Variants in PAK5 observed in about 807,000 individuals in gnomAD.
The protein encoded by PAK5 is p21 (RAC1) activated kinase 5.
In PAK5, 16 loss-of-function variants were observed where a neutral mutation model predicts 65.9. The observed-to-expected ratio is 0.24, with a 90% CI of 0.16 to 0.37. The LOEUF (loss-of-function observed/expected upper bound fraction) is 0.37. Among genes scored for constraint, PAK5 ranks in the 10% least tolerant of loss-of-function variants. The pLI, the probability that PAK5 is intolerant of heterozygous loss-of-function variation, is 1.00. For synonymous variants in PAK5, 371 were observed against 354.9 expected (o/e 1.05, Z -0.51); for missense variants, 785 against 903.9 (o/e 0.87, Z 1.69).
chr20:9,785,919 C>A (rs537220752), intron 1 of PAK5, among the ~76,000 whole-genome samples: 6 of 152,082 alleles, frequency 3.9e-5, no homozygotes, highest in Non-Finnish European at 7.4e-5. Context: ...GACTGACCCA[C>A]ATATCCTTGA....
chr20:9,559,720 G>C (rs903250455), intron 6 of PAK5, among the ~76,000 whole-genome samples: 2 of 151,930 alleles, frequency 1.3e-5, no homozygotes, highest in Non-Finnish European at 1.5e-5. Context: ...CGGAGATAGC[G>C]CCTCTGCATT....
intron 3 of PAK5, among the ~76,000 whole-genome samples, chr20:9,593,969 C>T (rs2046219918): frequency 6.6e-6 from 1 of 152,176 alleles, no homozygotes; most frequent in Non-Finnish European, 1.5e-5. Context: ...AAGGCTAAGG[C>T]AGTGAGAGAT....
intron 1 of PAK5, among the ~76,000 whole-genome samples, chr20:9,751,794 A>G (rs1459712457): frequency 6.6e-6 from 1 of 152,184 alleles, no homozygotes; most frequent in Non-Finnish European, 1.5e-5. Context: ...GTTGCTATGA[A>G]AATATGGAAA....
chr20:9,696,894 G>A (rs916494437), intron 2 of PAK5, among the ~76,000 whole-genome samples: 2 of 152,000 alleles, frequency 1.3e-5, no homozygotes, highest in Admixed American at 6.6e-5. Context: ...TCTCATTGCA[G>A]TATCCCCAGC....
chr20:9,653,716 T>G (rs143661526), intron 2 of PAK5, among the ~76,000 whole-genome samples: 2 of 152,210 alleles, frequency 1.3e-5, no homozygotes, highest in Non-Finnish European at 2.9e-5. Flanking sequence ...TTCCACAAAC[T>G]TAGCAGCTTA....
chr20:9,793,303 T>C (rs958589993), intron 1 of PAK5, among the ~76,000 whole-genome samples: 2 of 152,106 alleles, frequency 1.3e-5, no homozygotes, highest in African/African-American at 4.8e-5. Context: ...GGTAAACACA[T>C]ACATGTTTTA....
chr20:9,704,831 T>C (rs79127780), intron 2 of PAK5, among the ~76,000 whole-genome samples: 1,617 of 152,296 alleles, frequency 0.011, 17 homozygotes, highest in Middle Eastern at 0.044. Context: ...GCATCTGCTA[T>C]GTGACACGCA....
chr20:9,573,519 C>T (rs561616381), intron 4 of PAK5, among the ~76,000 whole-genome samples: 2 of 152,286 alleles, frequency 1.3e-5, no homozygotes, highest in Middle Eastern at 3.4e-3. Context: ...GTTAAATGCA[C>T]ATTAATCTGA....
At chr20:9,573,093 TTCC>T (rs1421145954) in intron 4 of PAK5, among the ~76,000 whole-genome samples, 1 of 144,548 alleles carries the variant, frequency 6.9e-6, no homozygotes, top group African/African-American at 2.8e-5. Context: ...TGATTGTGAT[TTCC>T]TCTTTTTTTT....
chr20:9,807,963 T>G (rs1183063731), intron 1 of PAK5, among the ~76,000 whole-genome samples: 4 of 152,138 alleles, frequency 2.6e-5, no homozygotes, highest in East Asian at 1.9e-4. Context: ...TTCACATGAA[T>G]GATACAAAAG....
chr20:9,771,127 T>C (rs576944311), intron 1 of PAK5, among the ~76,000 whole-genome samples: 3 of 152,184 alleles, frequency 2.0e-5, no homozygotes, highest in Admixed American at 6.5e-5. Flanking sequence ...AAAGCTCCTA[T>C]AATTTATCTA....
chr20:9,619,036 C>T (rs2046722907), intron 3 of PAK5, among the ~76,000 whole-genome samples: 1 of 147,802 alleles, frequency 6.8e-6, no homozygotes, highest in Non-Finnish European at 1.5e-5. Flanking sequence ...GATCTTCCCA[C>T]CTCAGCCTCC....
chr20:9,816,292 T>C (rs1569099550), intron 1 of PAK5, among the ~76,000 whole-genome samples: 1 of 152,218 alleles, frequency 6.6e-6, no homozygotes, highest in Non-Finnish European at 1.5e-5. Context: ...AGGGTTATTA[T>C]GAGTATATTA....
At chr20:9,651,095 G>C (rs1316500366) in intron 2 of PAK5, among the ~76,000 whole-genome samples, 1 of 152,164 alleles carries the variant, frequency 6.6e-6, no homozygotes, top group Non-Finnish European at 1.5e-5. Context: ...GGTTCTGGTT[G>C]AAAGCAGGGA....
chr20:9,594,276 A>G (rs1196336579), intron 3 of PAK5, among the ~76,000 whole-genome samples: 2 of 152,208 alleles, frequency 1.3e-5, no homozygotes, highest in East Asian at 3.9e-4. Flanking sequence ...CTGAATCACA[A>G]TCTGCATTTT....
At chr20:9,704,347 A>C (rs2047979021) in intron 2 of PAK5, among the ~76,000 whole-genome samples, 1 of 152,168 alleles carries the variant, frequency 6.6e-6, no homozygotes, top group African/African-American at 2.4e-5. Flanking sequence ...GCAGGTCAAA[A>C]GTAGCCATCT....
intron 1 of PAK5, among the ~76,000 whole-genome samples, chr20:9,801,733 A>G (rs1358959617): frequency 2.6e-5 from 4 of 152,140 alleles, no homozygotes; most frequent in African/African-American, 7.2e-5. Context: ...TCAACATTTC[A>G]GTATATAAAA....
At chr20:9,637,169 A>AT (rs948741195) in intron 3 of PAK5, among the ~76,000 whole-genome samples, 4 of 151,712 alleles carry the variant, frequency 2.6e-5, no homozygotes, top group Non-Finnish European at 4.4e-5. Context: ...CCTGGCTAAT[A>AT]TTTTTTTTAT....
intron 2 of PAK5, among the ~76,000 whole-genome samples, chr20:9,663,532 T>C (rs545517342): frequency 1.3e-5 from 2 of 152,260 alleles, no homozygotes; most frequent in African/African-American, 4.8e-5. Context: ...TTTGGGTAAG[T>C]TTGTAGAACA....
Sources: gnomAD v4.1 joint callset for allele counts (sites outside exome capture counted in the v4.1 genomes callset) on GRCh38, gnomAD v4.1.1 for gene constraint, MANE v1.5 for transcripts, NCBI Gene and HGNC (gene_info 2026-07-23, HGNC 2026-07-21) for gene names.